SHC4: variants seen among roughly 807,000 people sequenced by gnomAD.
SHC4 encodes SHC adaptor protein 4, also known as SHC-transforming protein 4.
Under a neutral mutation model 69.4 loss-of-function variants are expected in SHC4, and 41 were observed. The observed-to-expected ratio is 0.59, with a 90% CI of 0.46 to 0.77. The LOEUF is 0.77. SHC4 is among the 30% of genes least tolerant of loss of function. The probability of loss-of-function intolerance (pLI) is 0.00; values close to 1 mark genes in which losing one functional copy is unlikely to be tolerated. For missense variants in SHC4, 777 were observed against 783.8 expected (o/e 0.99, Z 0.10); for synonymous variants, 318 against 299.3 (o/e 1.06, Z -0.64).
chr15:48,867,450 C>A (rs541670777), intron 6 of SHC4, among the ~76,000 whole-genome samples: 24 of 152,242 alleles, frequency 1.6e-4, no homozygotes, highest in Admixed American at 1.4e-3. Flanking sequence ...CAGACACACA[C>A]ACACACCAAA....
chr15:48,952,839 A>T (rs906968337), intron 1 of SHC4, among the ~76,000 whole-genome samples: 1 of 152,228 alleles, frequency 6.6e-6, no homozygotes, highest in Non-Finnish European at 1.5e-5. Flanking sequence ...TAGTTCAACC[A>T]TTGTGGAAGA....
chr15:48,850,876 T>A (rs1036043606), intron 9 of SHC4, among the ~76,000 whole-genome samples: 2 of 152,184 alleles, frequency 1.3e-5, no homozygotes, highest in African/African-American at 4.8e-5. Flanking sequence ...GAAGTGGAAC[T>A]CCCTTGGGTT....
rs1413410162 is a variant in SHC4 at position 48,867,013 on chromosome 15, A to G, written c.946+805T>C. ...TCATTCAATAAAATAGTTTTTGAGT[A>G]TCGCCTATATGCTAGGCATCATGGT... is the stretch of plus-strand genomic sequence containing the variant. On this transcript the variant is annotated intron_variant, in intron 6 of 11. Coordinates refer to ENST00000332408, the MANE Select transcript of SHC4 (RefSeq NM_203349.4). Among the ~76,000 whole-genome samples the G allele has an allele frequency of 2.0e-5, 3 of 152,230 alleles. No individual in the cohort carries two copies. In the East Asian group the frequency reaches 5.8e-4, roughly 29 times the overall value.
rs1901568320 is a variant in SHC4 at position 48,962,833 on chromosome 15, G to A, written c.183C>T (p.Pro61=). ...GNKGSPQPPH[P]ALAPHLPTED... ...CAGTCGGCAGGTGAGGTGCCAGGGC[G>A]GGGTGGGGAGGCTGCGGCGAGCCCT... Residue 61 remains proline (P), a synonymous_variant, in exon 1 of 12, where the codon CCC becomes CCT. Coordinates refer to ENST00000332408, the MANE Select transcript of SHC4 (RefSeq NM_203349.4). 6.2e-7 allele frequency: 1 copy of A among 1,612,752 alleles called. No individual in the cohort carries two copies. The highest frequency in any genetic ancestry group is 8.5e-7 in the Non-Finnish European group (1 of 1,180,002).
At chr15:48,928,203 C>G (rs898441840) in intron 1 of SHC4, among the ~76,000 whole-genome samples, 5 of 152,140 alleles carry the variant, frequency 3.3e-5, no homozygotes, top group Non-Finnish European at 5.9e-5. Context: ...GATTTCTCAG[C>G]AATGTACTTC....
intron 1 of SHC4, among the ~76,000 whole-genome samples, chr15:48,939,248 T>C (rs1196759351): frequency 6.6e-6 from 1 of 152,100 alleles, no homozygotes; most frequent in Non-Finnish European, 1.5e-5. Flanking sequence ...TGCAAGGGGC[T>C]ATGGGAGTGT....
intron 6 of SHC4, 36 bp downstream of exon 6, chr15:48,867,782 C>G: frequency 6.3e-7 from 1 of 1,590,666 alleles, no homozygotes; most frequent in East Asian, 2.2e-5. Context: ...TGGTATATAC[C>G]AGCTCTTTAA....
intron 10 of SHC4, among the ~76,000 whole-genome samples, chr15:48,840,741 T>G (rs529578924): frequency 6.6e-6 from 1 of 152,162 alleles, no homozygotes; most frequent in Non-Finnish European, 1.5e-5. Context: ...CAACATAATT[T>G]AAGGTTTTGG....
intron 1 of SHC4, among the ~76,000 whole-genome samples, chr15:48,933,794 C>T (rs947515139): frequency 2.6e-5 from 4 of 152,042 alleles, no homozygotes; most frequent in Non-Finnish European, 5.9e-5. Context: ...AAAGTAAACC[C>T]CTGCATTTAC....
chr15:48,858,695 T>C (rs16961745), intron 6 of SHC4, among the ~76,000 whole-genome samples: 3,377 of 152,266 alleles, frequency 0.022, 117 homozygotes, highest in African/African-American at 0.075. Context: ...TATGAAGATA[T>C]AATTGATGGA....
chr15:48,878,425 G>A (rs1899868526), intron 4 of SHC4: 7 of 1,612,284 alleles, frequency 4.3e-6, no homozygotes, highest in African/African-American at 1.3e-5. Flanking sequence ...ACGCTGGGGA[G>A]CAGCCAGGCC....
Position 48,834,753 on chromosome 15 carries a change from G to A in SHC4, c.1737+16C>T, listed in dbSNP as rs767212615. ...AACAACATCCTGTGAAACCTCTAATGAGAAGTCAATGATACCTTGCCTTCA... is the reference window on the plus strand; with the variant it reads ...AACAACATCCTGTGAAACCTCTAATAAGAAGTCAATGATACCTTGCCTTCA... On this transcript the variant is annotated intron_variant, in intron 11 of 11. Transcript: ENST00000332408. The A allele has an allele frequency of 1.2e-6, 2 of 1,613,172 alleles. No homozygotes were observed. Among genetic ancestry groups the A allele is most frequent in the African/African-American group, 1.3e-5 (1 of 74,986 alleles).
chr15:48,933,186 G>A (rs964895107), intron 1 of SHC4, among the ~76,000 whole-genome samples: 2 of 152,186 alleles, frequency 1.3e-5, no homozygotes, highest in East Asian at 3.9e-4. Context: ...CCAGTCCCTC[G>A]TTACCATCTG....
intron 1 of SHC4, among the ~76,000 whole-genome samples, chr15:48,938,636 T>C (rs1050330862): frequency 3.9e-5 from 6 of 152,192 alleles, no homozygotes; most frequent in Admixed American, 3.9e-4. Context: ...CTCTTGCAAT[T>C]GGGGAGGCAC....
chr15:48,857,112 G>A (rs1475798329), intron 7 of SHC4, among the ~76,000 whole-genome samples: 1 of 152,162 alleles, frequency 6.6e-6, no homozygotes, highest in East Asian at 1.9e-4. Flanking sequence ...CACTTGGTGA[G>A]GTCTGACAGG....
chr15:48,931,612 A>G (rs957068903), intron 1 of SHC4, among the ~76,000 whole-genome samples: 4 of 152,044 alleles, frequency 2.6e-5, no homozygotes, highest in Non-Finnish European at 5.9e-5. Flanking sequence ...AACTCTGCAC[A>G]CTACCCCCAG....
At chr15:48,851,143 C>A (rs756952194) in intron 9 of SHC4, 45 bp downstream of exon 9, 2 of 1,593,986 alleles carry the variant, frequency 1.3e-6, no homozygotes, top group Non-Finnish European at 1.7e-6. Context: ...ATAGGACTTA[C>A]AAGGAATAAG....
chr15:48,884,159 CTCTG>C (rs1467193831), intron 4 of SHC4, 85 bp downstream of exon 4: 2 of 1,385,428 alleles, frequency 1.4e-6, no homozygotes, highest in Non-Finnish European at 1.9e-6. Context: ...TGTAGGCATA[CTCTG>C]TCTAAAACTT....
intron 2 of SHC4, among the ~76,000 whole-genome samples, chr15:48,922,555 A>G (rs1055114783): frequency 6.6e-6 from 1 of 152,204 alleles, no homozygotes; most frequent in African/African-American, 2.4e-5. Flanking sequence ...TGCACCTTTT[A>G]TAAGATCACT....
Sources: allele counts gnomAD v4.1 joint callset (sites outside exome capture counted in the v4.1 genomes callset), GRCh38; gene constraint gnomAD v4.1.1; transcripts MANE v1.5; gene names NCBI Gene and HGNC (gene_info 2026-07-23, HGNC 2026-07-21).